CCDC171: variants seen among roughly 807,000 people sequenced by gnomAD.
CCDC171 encodes the protein coiled-coil domain containing 171, also known as coiled-coil domain-containing protein 171.
CCDC171 carries 177 observed loss-of-function variants against 168.2 expected under a neutral mutation model. That is an observed-to-expected ratio of 1.05 (90% CI 0.93 to 1.19). The LOEUF (loss-of-function observed/expected upper bound fraction) is 1.19, where lower values mean the gene tolerates loss of function less well. Ranked by LOEUF, CCDC171 falls within the 50% of genes most tolerant of loss-of-function variation. The probability of loss-of-function intolerance (pLI) is 0.00; values close to 1 mark genes in which losing one functional copy is unlikely to be tolerated. For synonymous variants in CCDC171, 687 were observed against 540.8 expected (o/e 1.27, Z -3.75); for missense variants, 1,991 against 1,539.0 (o/e 1.29, Z -4.91).
chr9:15,880,353 G>C (rs1818452313), intron 24 of CCDC171, among the ~76,000 whole-genome samples: 1 of 152,016 alleles, frequency 6.6e-6, no homozygotes, highest in Non-Finnish European at 1.5e-5. Flanking sequence ...ATAAATTGTA[G>C]TTGTGTATAT....
chr9:15,949,227 C>T (rs1223156021), intron 25 of CCDC171, among the ~76,000 whole-genome samples: 1 of 152,042 alleles, frequency 6.6e-6, no homozygotes, highest in East Asian at 1.9e-4. Context: ...TTACTGTAGC[C>T]TTGTAGTATA....
chr9:15,764,241 C>G (rs2056604238), intron 18 of CCDC171, among the ~76,000 whole-genome samples: 1 of 152,164 alleles, frequency 6.6e-6, no homozygotes, highest in Non-Finnish European at 1.5e-5. Context: ...AGATTTTATT[C>G]AGGATAAGAT....
At chr9:15,861,905 C>T (rs776916980) in intron 23 of CCDC171, among the ~76,000 whole-genome samples, 11 of 151,922 alleles carry the variant, frequency 7.2e-5, no homozygotes, top group Non-Finnish European at 1.2e-4. Context: ...CTGCCTTTAG[C>T]GCTCCTTGTA....
chr9:16,086,665 C>G, the CCDC171 span, among the ~76,000 whole-genome samples: 1 of 152,124 alleles, frequency 6.6e-6, no homozygotes, highest in African/African-American at 2.4e-5. Context: ...GAAAAAACAG[C>G]TCCTAGATTC....
chr9:15,853,536 A>G (rs2061224427), intron 23 of CCDC171, among the ~76,000 whole-genome samples: 2 of 151,528 alleles, frequency 1.3e-5, no homozygotes, highest in African/African-American at 2.4e-5. Context: ...AGATTATGTT[A>G]TCTATGAGTA....
intron 4 of CCDC171, among the ~76,000 whole-genome samples, chr9:15,585,420 A>C (rs1331279239): frequency 6.6e-6 from 1 of 152,266 alleles, no homozygotes; most frequent in Non-Finnish European, 1.5e-5. Context: ...AGCAACCACT[A>C]ACGTATGCGG....
chr9:15,795,648 T>G (rs7846970), intron 21 of CCDC171, among the ~76,000 whole-genome samples: 72,601 of 151,988 alleles, frequency 0.48, 17,534 homozygotes, highest in South Asian at 0.54. Flanking sequence ...AAATCTAGGC[T>G]TTAAGCCTCA....
chr9:15,957,741 C>T (rs1238380215), intron 25 of CCDC171, among the ~76,000 whole-genome samples: 1 of 152,128 alleles, frequency 6.6e-6, no homozygotes, highest in African/African-American at 2.4e-5. Context: ...ATGCATTTTC[C>T]TCTGATATAG....
In CCDC171 at chr9:15,992,396, C is replaced by G. The variant is rs569505595; in HGVS notation, n.369-28193C>G. Among the ~76,000 whole-genome samples, 5 of 152,298 alleles carry G rather than the reference C, an allele frequency of 3.3e-5. No homozygotes were observed. The South Asian group carries it at 6.2e-4, about 19-fold the overall frequency. Reference sequence around the variant, plus strand: ...AGGCCTTTGACAAAATTCAACAGCTCTTCATGCTAAAAACTCTCAATAAAT... The same window carrying G: ...AGGCCTTTGACAAAATTCAACAGCTGTTCATGCTAAAAACTCTCAATAAAT... On this transcript the variant is annotated intron_variant and non_coding_transcript_variant, in intron 3 of 9. Coordinates refer to the CCDC171 transcript ENST00000486641.
chr9:15,594,838 T>C (rs1011386637), intron 6 of CCDC171, among the ~76,000 whole-genome samples: 1 of 152,142 alleles, frequency 6.6e-6, no homozygotes, highest in Non-Finnish European at 1.5e-5. Context: ...AACTAGTGTG[T>C]TGTGTGTTTT....
At chr9:15,733,628 TTA>T (rs1359057851) in intron 16 of CCDC171, among the ~76,000 whole-genome samples, 1 of 151,478 alleles carries the variant, frequency 6.6e-6, no homozygotes, top group Admixed American at 6.6e-5. Flanking sequence ...TTCCATTTAT[TTA>T]TGTGTCTAAT....
At chr9:15,964,865 A>T (rs1283341146) in intron 25 of CCDC171, among the ~76,000 whole-genome samples, 6 of 152,200 alleles carry the variant, frequency 3.9e-5, no homozygotes, top group Non-Finnish European at 8.8e-5. Flanking sequence ...GGTTCGAGCG[A>T]TTCTCCTGCC....
intron 7 of CCDC171, among the ~76,000 whole-genome samples, chr9:15,655,179 TA>T (rs59228759): frequency 0.93 from 138,494 of 149,602 alleles, 64,224 homozygotes; most frequent in East Asian, 1. Flanking sequence ...ACTTAAAGTA[TA>T]AAAAAAAAAA....
the CCDC171 span, among the ~76,000 whole-genome samples, chr9:16,069,459 A>C: frequency 6.6e-6 from 1 of 152,266 alleles, no homozygotes; most frequent in Non-Finnish European, 1.5e-5. Context: ...CATATGCACG[A>C]AGAAGGCGCC....
intron 18 of CCDC171, among the ~76,000 whole-genome samples, chr9:15,749,857 A>G (rs1231085672): frequency 1.3e-5 from 2 of 152,240 alleles, no homozygotes; most frequent in African/African-American, 4.8e-5. Context: ...CTAAATGCCC[A>G]CAAGAGAAAG....
intron 3 of CCDC171, among the ~76,000 whole-genome samples, chr9:16,013,314 C>G (rs1375241570): frequency 1.3e-5 from 2 of 152,200 alleles, no homozygotes; most frequent in African/African-American, 2.4e-5. Flanking sequence ...ATCCAAGTTT[C>G]TCTCTAGCTT....
intron 11 of CCDC171, among the ~76,000 whole-genome samples, chr9:15,717,621 T>C (rs1317152484): frequency 2.0e-5 from 3 of 152,188 alleles, no homozygotes; most frequent in Admixed American, 6.5e-5. Flanking sequence ...GAGAACCTTT[T>C]CTTGCAACTT....
chr9:15,831,205 C>G (rs962888848), intron 21 of CCDC171, among the ~76,000 whole-genome samples: 2 of 151,988 alleles, frequency 1.3e-5, no homozygotes, highest in African/African-American at 4.8e-5. Context: ...AACTCCTAAC[C>G]TTGTGATCCG....
chr9:15,965,769 C>T (rs1830732931), intron 25 of CCDC171, among the ~76,000 whole-genome samples: 1 of 152,166 alleles, frequency 6.6e-6, no homozygotes, highest in African/African-American at 2.4e-5. Context: ...TAGTCTGCCT[C>T]CTTTACAGAT....
Sources: allele counts gnomAD v4.1 joint callset (sites outside exome capture counted in the v4.1 genomes callset), GRCh38; gene constraint gnomAD v4.1.1; transcripts MANE v1.5; gene names NCBI Gene and HGNC (gene_info 2026-07-23, HGNC 2026-07-21).